Variants in CCDC77 observed in about 807,000 individuals in gnomAD.
CCDC77 encodes coiled-coil domain containing 77.
Under a neutral mutation model 66.8 loss-of-function variants are expected in CCDC77, and 56 were observed. The observed-to-expected ratio is 0.84, with a 90% CI of 0.68 to 1.05. The LOEUF is 1.05. Ranked by LOEUF, CCDC77 falls within the 50% of genes least tolerant of loss-of-function variation. CCDC77 has a pLI of 0.00. For synonymous variants in CCDC77, 196 were observed against 195.2 expected (o/e 1.00, Z -0.03); for missense variants, 570 against 576.8 (o/e 0.99, Z 0.12).
chr12:391,319 G>A (rs1003959417), intron 1 of CCDC77, among the ~76,000 whole-genome samples: 2 of 152,094 alleles, frequency 1.3e-5, no homozygotes, highest in Non-Finnish European at 2.9e-5. Flanking sequence ...CCCAGGCGTG[G>A]TGGCAGGCGC....
upstream of CCDC77, among the ~76,000 whole-genome samples, chr12:400,349 T>C (rs113952895): frequency 7.9e-5 from 12 of 152,382 alleles, no homozygotes; most frequent in South Asian, 4.1e-4. Context: ...AGTAGCACTT[T>C]TAATTTCCTT....
chr12:412,896 C>A (rs1277802058), intron 4 of CCDC77, among the ~76,000 whole-genome samples: 3 of 152,170 alleles, frequency 2.0e-5, no homozygotes, highest in Admixed American at 1.3e-4. Context: ...GTTACTCCAT[C>A]CGTATCTATC....
intron 5 of CCDC77, among the ~76,000 whole-genome samples, chr12:422,732 T>C (rs894340672): frequency 1.3e-5 from 2 of 152,240 alleles, no homozygotes; most frequent in Non-Finnish European, 2.9e-5. Flanking sequence ...CACCTCAGCC[T>C]CTTGAGTAAC....
In CCDC77 at chr12:438,568, G is replaced by C; in HGVS notation, c.1041+14G>C. 1 of 1,570,448 alleles carries C rather than the reference G, an allele frequency of 6.4e-7. No homozygotes were observed. Among genetic ancestry groups the C allele is most frequent in the South Asian group, 1.1e-5 (1 of 87,170 alleles). ...GAATATATTAAGGTAATGTCCTTAT[G>C]TCGTAACGAAGTTGTTTATTTTTCT... On this transcript the variant is annotated intron_variant, in intron 10 of 12. Coordinates refer to ENST00000239830, the MANE Select transcript of CCDC77 (RefSeq NM_032358.4).
chr12:431,757 C>A, intron 7 of CCDC77, 109 bp from the exon 8 acceptor site: 1 of 668,300 alleles, frequency 1.5e-6, no homozygotes. Flanking sequence ...CTTCATTACC[C>A]TTACAGGTAA....
At chr12:399,693 G>T (rs2369280), upstream of CCDC77, among the ~76,000 whole-genome samples, 104,683 of 152,076 alleles carry the variant, frequency 0.69, 36,609 homozygotes, top group Admixed American at 0.79. Context: ...ACATAAAACG[G>T]TGAACTTAAA....
At chr12:438,308 T>C (rs752411263) in intron 9 of CCDC77, 27 bp from the exon 10 acceptor site, 3 of 1,503,724 alleles carry the variant, frequency 2.0e-6, no homozygotes, top group East Asian at 2.3e-5. Context: ...CGCATCCTCA[T>C]GTCTGCATTT....
intron 1 of CCDC77, among the ~76,000 whole-genome samples, chr12:394,591 C>G (rs1388171161): frequency 1.3e-5 from 2 of 152,338 alleles, no homozygotes; most frequent in African/African-American, 2.4e-5. Flanking sequence ...TTCTCTCATA[C>G]GAATTTCCAC....
At chr12:414,656 T>C (rs1390773322) in intron 4 of CCDC77, among the ~76,000 whole-genome samples, 1 of 152,212 alleles carries the variant, frequency 6.6e-6, no homozygotes, top group Non-Finnish European at 1.5e-5. Flanking sequence ...CCATTTCGCC[T>C]TCCTCCGTTT....
intron 2 of CCDC77, 67 bp downstream of exon 2, chr12:405,631 G>C (rs575959965): frequency 5.9e-5 from 9 of 152,218 alleles, no homozygotes; most frequent in African/African-American, 2.2e-4. Flanking sequence ...GTATTTGAAG[G>C]GTTGGCTGTA....
At chr12:410,736 A>T (rs1945091691) in intron 3 of CCDC77, among the ~76,000 whole-genome samples, 1 of 151,522 alleles carries the variant, frequency 6.6e-6, no homozygotes, top group South Asian at 2.1e-4. Context: ...GGTAGAGACT[A>T]GGTTTCACTA....
At position 433,209 on chromosome 12, in the gene CCDC77, C is replaced by G. The variant is rs1945683244; in HGVS notation, c.708C>G (p.Thr236=). The change falls in exon 9 of 13, where the codon ACC becomes ACG. Residue 236 remains threonine (T), a synonymous_variant. Coordinates refer to ENST00000239830, the MANE Select transcript of CCDC77 (RefSeq NM_032358.4). ...TGCAGGCTCAGCTGGGAGAGCAGAC[C>G]AAACTTTCTCGAGAACAAATTGAAG... ...EALQAQLGEQ[T]KLSREQIEGL... is the part of the protein sequence containing the mutation. 1 of 1,613,736 alleles carries G rather than the reference C, an allele frequency of 6.2e-7. No individual in the cohort carries two copies. The highest frequency in any genetic ancestry group is 1.3e-5 in the African/African-American group (1 of 74,826).
chr12:431,280 G>A (rs568648733), intron 7 of CCDC77, among the ~76,000 whole-genome samples: 36 of 149,244 alleles, frequency 2.4e-4, no homozygotes, highest in African/African-American at 6.9e-4. Context: ...GTGCAATGGC[G>A]CGATCTTGGC....
chr12:430,861 C>G (rs185000577), intron 7 of CCDC77, 125 bp downstream of exon 7: 22 of 728,482 alleles, frequency 3.0e-5, no homozygotes, highest in Non-Finnish European at 4.9e-5. Context: ...GGTGGATCAC[C>G]TGAGGTCAGG....
At chr12:404,957 G>T (rs903692729) in intron 1 of CCDC77, among the ~76,000 whole-genome samples, 3 of 152,086 alleles carry the variant, frequency 2.0e-5, no homozygotes, top group African/African-American at 7.2e-5. Context: ...CCTGACCTCA[G>T]GTGATCCGCC....
intron 5 of CCDC77, among the ~76,000 whole-genome samples, chr12:423,182 A>G (rs4980900): frequency 0.37 from 46,872 of 127,542 alleles, 8,940 homozygotes; most frequent in East Asian, 0.66. Flanking sequence ...GTGCAGTGGC[A>G]TGATCTTGCC....
In CCDC77 at chr12:429,014, T is replaced by C. The variant is rs1945591622; in HGVS notation, c.510+149T>C. 3 of 539,824 alleles carry C rather than the reference T, an allele frequency of 5.6e-6. No individual in the cohort carries two copies. The African/African-American group carries it at 5.9e-5, about 11-fold the overall frequency. The allele number at this position is 539,824 out of a possible 1,614,324, so 33.4% of individuals were successfully genotyped here. A position where few individuals can be genotyped will look rare whatever the true frequency, so the allele number is the denominator to read the frequency against. Reference sequence around the variant, plus strand: ...TGTTTGCCTGAGTTTTTAAAGCATTTTTCTTCGAAAACCTTGGGAAGTAGC... The same window carrying C: ...TGTTTGCCTGAGTTTTTAAAGCATTCTTCTTCGAAAACCTTGGGAAGTAGC... On this transcript the variant is annotated intron_variant, in intron 6 of 12. Coordinates refer to ENST00000239830, the MANE Select transcript of CCDC77 (RefSeq NM_032358.4).
intron 2 of CCDC77, among the ~76,000 whole-genome samples, chr12:408,552 G>GC (rs1452020243): frequency 7.9e-5 from 12 of 152,098 alleles, no homozygotes; most frequent in Admixed American, 7.9e-4. Flanking sequence ...GGGAGTGGGG[G>GC]CAGGGGAAGT....
chr12:425,480 A>G (rs1023321505), intron 5 of CCDC77, among the ~76,000 whole-genome samples: 4 of 151,904 alleles, frequency 2.6e-5, no homozygotes, highest in Non-Finnish European at 2.9e-5. Flanking sequence ...GCATCCTTTC[A>G]ACTCTGGGCC....
Sources: allele counts gnomAD v4.1 joint callset (sites outside exome capture counted in the v4.1 genomes callset), GRCh38; gene constraint gnomAD v4.1.1; transcripts MANE v1.5; gene names NCBI Gene and HGNC (gene_info 2026-07-23, HGNC 2026-07-21).